Variants in CALML6 observed in about 807,000 individuals in gnomAD.
CALML6 encodes calmodulin-like protein 6.
A neutral mutation model predicts 25.0 loss-of-function variants in CALML6; 27 were observed. That is an observed-to-expected ratio of 1.08 (90% CI 0.80 to 1.49). CALML6 has a LOEUF of 1.49. Among genes scored for constraint, CALML6 ranks in the 40% most tolerant of loss-of-function variants. CALML6 has a pLI of 0.00. For missense variants in CALML6, 239 were observed against 232.7 expected (o/e 1.03, Z -0.18); for synonymous variants, 97 against 87.2 (o/e 1.11, Z -0.63).
chr1:1,916,027 T>TTCCTGGGCTGTATCCCAA (rs1237586334), intron 2 of CALML6: 4 of 510,110 alleles, frequency 7.8e-6, no homozygotes, highest in Non-Finnish European at 1.1e-5. Context: ...AGGGTTCTGC[T>TTCCTGGGCTGTATCCCAA]TCCTGGGCTG....
chr1:1,916,273 T>C, intron 2 of CALML6, 168 bp from the exon 3 acceptor site: 1 of 599,604 alleles, frequency 1.7e-6, no homozygotes, highest in Non-Finnish European at 2.8e-6. Flanking sequence ...ACCCCTGGCG[T>C]GTGACCCCTT....
chr1:1,915,839 G>T (rs1651090054), intron 2 of CALML6, 104 bp downstream of exon 2: 4 of 1,180,580 alleles, frequency 3.4e-6, no homozygotes, highest in African/African-American at 1.5e-5. Context: ...TGGGCAGGAA[G>T]GGGCTGAGGT....
At chr1:1,916,374 C>T in intron 2 of CALML6, 67 bp from the exon 3 acceptor site, 1 of 1,416,418 alleles carries the variant, frequency 7.1e-7, no homozygotes, top group Non-Finnish European at 9.4e-7. Flanking sequence ...GGGGGTACCT[C>T]TGACCCTTCC....
At chr1:1,916,227 T>C (rs1462152385) in intron 2 of CALML6, 1 of 502,770 alleles carries the variant, frequency 2.0e-6, no homozygotes, top group Non-Finnish European at 3.5e-6. Flanking sequence ...CCCTTGCCCC[T>C]GTTAGCTGCC....
In CALML6 at chr1:1,915,620, G is replaced by A. The variant is rs527694976; in HGVS notation, c.28-65G>A. On this transcript the variant is annotated intron_variant, in intron 1 of 5. Transcript: ENST00000307786. ...AGGCTCTTGGAATCTGGACCCCGGG[G>A]ACCCCAGGCAGCCAGGCCCAGCTAA... The A allele has an allele frequency of 6.4e-6, 10 of 1,562,496 alleles. No homozygotes were observed. The East Asian group carries it at 2.3e-4, about 36-fold the overall frequency.
At chr1:1,915,778 G>A in intron 2 of CALML6, 43 bp downstream of exon 2, 1 of 1,600,398 alleles carries the variant, frequency 6.2e-7, no homozygotes, top group Non-Finnish European at 8.6e-7. Flanking sequence ...TGGTGGGCTG[G>A]CTGGGTAGGT....
chr1:1,915,459 G>T, intron 1 of CALML6, 152 bp downstream of exon 1: 1 of 1,436,800 alleles, frequency 7.0e-7, no homozygotes, highest in Non-Finnish European at 9.3e-7. Context: ...GCCCTTTCCT[G>T]GCCCCCGCAC....
chr1:1,917,242 C>G lies in CALML6; in HGVS notation c.*49C>G. 1 of 1,533,764 alleles carries G rather than the reference C, an allele frequency of 6.5e-7. No individual in the cohort carries two copies. The highest frequency in any genetic ancestry group is 8.8e-7 in the Non-Finnish European group (1 of 1,138,732). ...GGCCTGCCCGGGAAGGCTGCTGCCC[C>G]TGCCCCCTGGCCCCCACTCCCCCGG... On this transcript the variant is annotated 3_prime_UTR_variant, in exon 6 of 6. Coordinates refer to ENST00000307786, the MANE Select transcript of CALML6 (RefSeq NM_138705.4).
At chr1:1,916,407 C>T in intron 2 of CALML6, 34 bp from the exon 3 acceptor site, 1 of 1,483,102 alleles carries the variant, frequency 6.7e-7, no homozygotes, top group Non-Finnish European at 9.0e-7. Flanking sequence ...GCAGAAGGGG[C>T]TCCTGGTCAG....
At position 1,917,134 on chromosome 1, in the gene CALML6, CCT is replaced by C. The variant is rs2102019802; in HGVS notation, c.500-10_500-9del. On this transcript the variant is annotated splice_polypyrimidine_tract_variant and intron_variant, in intron 5 of 5. Coordinates refer to ENST00000307786, the MANE Select transcript of CALML6 (RefSeq NM_138705.4). Reference sequence around the variant, plus strand: ...GGCCGGGGCAAGCTGCTGACCTGCCCCTCTGTTCCCAGAGTTTGTGGCCATGA... The same window carrying C: ...GGCCGGGGCAAGCTGCTGACCTGCCCCTGTTCCCAGAGTTTGTGGCCATGA... 3 of 1,608,760 alleles carry C rather than the reference CCT, an allele frequency of 1.9e-6. No individual in the cohort carries two copies. In the East Asian group the frequency reaches 6.7e-5, roughly 36 times the overall value.
chr1:1,916,111 C>T (rs1651099653), intron 2 of CALML6: 1 of 420,052 alleles, frequency 2.4e-6, no homozygotes, highest in Non-Finnish European at 4.3e-6. Flanking sequence ...CGGCTTCCTT[C>T]ACCTGCCTCA....
chr1:1,915,745 CT>C lies in CALML6; in HGVS notation c.78+11del. The C allele has an allele frequency of 1.2e-6, 2 of 1,613,150 alleles. No individual in the cohort carries two copies. The highest frequency in any genetic ancestry group is 1.7e-6 in the Non-Finnish European group (2 of 1,179,820). On this transcript the variant is annotated intron_variant, in intron 2 of 5. Transcript: ENST00000307786. ...GACAACCACCGACATGGTAAGGCTG[CT>C]CTCTGTGCCCGATGGAGTCTCTGGT...
intron 3 of CALML6, 41 bp downstream of exon 3, chr1:1,916,656 G>T (rs201925985): frequency 1.9e-6 from 3 of 1,603,116 alleles, no homozygotes; most frequent in Non-Finnish European, 2.6e-6. Context: ...CCTCGGGGGG[G>T]CCCTGGGTCA....
chr1:1,916,178 T>C, intron 2 of CALML6: 1 of 449,084 alleles, frequency 2.2e-6, no homozygotes, highest in Non-Finnish European at 4.0e-6. Context: ...GCCCTGCAGC[T>C]GCTGCTGTTC....
In CALML6 at chr1:1,916,743, C is replaced by G; in HGVS notation, c.254-9C>G. 1.2e-6 allele frequency: 2 copies of G among 1,613,462 alleles called. No homozygotes were observed. The highest frequency in any genetic ancestry group is 1.7e-6 in the Non-Finnish European group (2 of 1,180,008). ...CCCATCCCTTGAGCCCCAGCTGTGCCCCTTGCAGACAAAGGGTTCTTCAAC... is the reference window on the plus strand; with the variant it reads ...CCCATCCCTTGAGCCCCAGCTGTGCGCCTTGCAGACAAAGGGTTCTTCAAC... On this transcript the variant is annotated splice_polypyrimidine_tract_variant and intron_variant, in intron 3 of 5. Transcript: ENST00000307786.
intron 3 of CALML6, 54 bp from the exon 4 acceptor site, chr1:1,916,698 G>A: frequency 8.1e-6 from 13 of 1,612,252 alleles, no homozygotes; most frequent in Non-Finnish European, 1.1e-5. Context: ...AAGAGGCAAA[G>A]CCCATGGGGA....
intron 2 of CALML6, 159 bp downstream of exon 2, chr1:1,915,894 C>A: frequency 1.4e-6 from 1 of 719,494 alleles, no homozygotes; most frequent in South Asian, 1.7e-5. Flanking sequence ...AGCCCTTGTT[C>A]CGGGGCCAGG....
At position 1,916,471 on chromosome 1, in the gene CALML6, G is replaced by C. The variant is rs764608231; in HGVS notation, c.109G>C (p.Glu37Gln). 4 of 1,558,398 alleles carry C rather than the reference G, an allele frequency of 2.6e-6. No individual in the cohort carries two copies. In the South Asian group the frequency reaches 4.7e-5, roughly 18 times the overall value. ...GCGCCTGTCGGCTGAGCAGATCAAG[G>C]AGTACAAGGGAGTCTTTGAGATGTT... ...TERLSAEQIKEYKGVFEMFDE... is the reference protein window; with the variant it reads ...TERLSAEQIKQYKGVFEMFDE... Residue 37 changes from glutamate to glutamine, a missense_variant, in exon 3 of 6, where the codon GAG (glutamate) becomes CAG (glutamine). Glu to Gln is a conservative substitution (Grantham distance 29). This residue lies in a region of CALML6 where 231 missense variants were observed against 210.9 expected (regional missense o/e 1.10). Transcript: ENST00000307786.
rs1446289973 is a variant in CALML6 at position 1,915,325 on chromosome 1, G to A, written c.27+18G>A. 26 of 1,552,784 alleles carry A rather than the reference G, an allele frequency of 1.7e-5. No individual in the cohort carries two copies. The highest frequency in any genetic ancestry group is 2.2e-5 in the Non-Finnish European group (25 of 1,148,168). On this transcript the variant is annotated intron_variant, in intron 1 of 5. Coordinates refer to ENST00000307786, the MANE Select transcript of CALML6 (RefSeq NM_138705.4). The stretch of plus-strand genomic sequence containing the variant: ...TCTCACTGGTAAGTGATGACAGCAT[G>A]GGACCAGGGTCCCATGAAGACCTGC...
Sources: gnomAD v4.1 joint callset for allele counts on GRCh38, gnomAD v4.1.1 for gene constraint, gnomAD v4.1.1 regional missense constraint, MANE v1.5 for transcripts, NCBI Gene and HGNC (gene_info 2026-07-23, HGNC 2026-07-21) for gene names.